Variants in PTGER4 observed in about 807,000 individuals in gnomAD.
The protein encoded by PTGER4 is prostaglandin E2 receptor EP4 subtype.
In PTGER4, 11 loss-of-function variants were observed where a neutral mutation model predicts 33.2. The observed-to-expected ratio is 0.33, with a 90% CI of 0.21 to 0.55. The LOEUF is 0.55. Among genes scored for constraint, PTGER4 ranks in the 20% least tolerant of loss-of-function variants. The probability of loss-of-function intolerance (pLI) is 0.92; values close to 1 mark genes in which losing one functional copy is unlikely to be tolerated. For missense variants in PTGER4, 481 were observed against 650.2 expected (o/e 0.74, Z 2.83); for synonymous variants, 275 against 281.5 (o/e 0.98, Z 0.23).
chr5:40,682,728 T>G (rs1292551778), intron 2 of PTGER4, among the ~76,000 whole-genome samples: 1 of 152,170 alleles, frequency 6.6e-6, no homozygotes, highest in African/African-American at 2.4e-5. Flanking sequence ...GAGATGGCTG[T>G]CTTTGTTTCT....
Position 40,691,667 on chromosome 5 carries a change from T to C in PTGER4, c.868-112T>C, listed in dbSNP as rs1337337680. On this transcript the variant is annotated intron_variant, in intron 2 of 2. Transcript: ENST00000302472. This position sits in a 1 kb window ranked among gnomAD's most constrained non-coding sequence, Gnocchi z 4.2. ...ATGTAGCTTCCTCTTTTCCTGGAAC[T>C]TGTTACCAGAAATGAAGGCAGCTTC... 6 of 1,398,182 alleles carry C rather than the reference T, an allele frequency of 4.3e-6. No homozygotes were observed. The highest frequency in any genetic ancestry group is 1.9e-6 in the Non-Finnish European group (2 of 1,034,260). 86.6% of individuals were successfully genotyped at this position (1,398,182 alleles called of 1,614,324 possible).
the PTGER4 span, among the ~76,000 whole-genome samples, chr5:40,718,577 T>C: frequency 6.6e-6 from 1 of 151,840 alleles, no homozygotes; most frequent in African/African-American, 2.4e-5. Flanking sequence ...CTGTCTCTAC[T>C]AAAAATACAA....
chr5:40,745,823 C>T, the PTGER4 span, among the ~76,000 whole-genome samples: 1 of 151,978 alleles, frequency 6.6e-6, no homozygotes, highest in African/African-American at 2.4e-5. Flanking sequence ...CATCCTCGAA[C>T]TCCTGGGCTC....
chr5:40,716,221 C>T, the PTGER4 span: 4 of 1,614,164 alleles, frequency 2.5e-6, no homozygotes, highest in Non-Finnish European at 3.4e-6. Context: ...CTCTATGGCC[C>T]CAGAAGCAGA....
chr5:40,732,206 A>G, the PTGER4 span, among the ~76,000 whole-genome samples: 1 of 152,046 alleles, frequency 6.6e-6, no homozygotes, highest in Non-Finnish European at 1.5e-5. Flanking sequence ...TTGTAGAGAC[A>G]GGGTCTCACT....
At chr5:40,685,666 G>T (rs1192195108) in intron 2 of PTGER4, among the ~76,000 whole-genome samples, 1 of 152,156 alleles carries the variant, frequency 6.6e-6, no homozygotes, top group East Asian at 1.9e-4. Context: ...CATTTCATTT[G>T]AATCTTGAAA....
chr5:40,738,268 C>A, the PTGER4 span, among the ~76,000 whole-genome samples: 1 of 151,524 alleles, frequency 6.6e-6, no homozygotes, highest in Admixed American at 6.6e-5. Flanking sequence ...AAAAATTAGC[C>A]AGGCATAGAG....
At chr5:40,704,857 C>T in the PTGER4 span, among the ~76,000 whole-genome samples, 1 of 152,168 alleles carries the variant, frequency 6.6e-6, no homozygotes, top group East Asian at 1.9e-4. Flanking sequence ...ATCTCATGCT[C>T]ATGGATAGGA....
At chr5:40,718,541 ACCAG>A in the PTGER4 span, among the ~76,000 whole-genome samples, 1 of 152,180 alleles carries the variant, frequency 6.6e-6, no homozygotes, top group Non-Finnish European at 1.5e-5. Context: ...GGAGTTCAAG[ACCAG>A]CCTGGCCAAA....
Position 40,691,788 on chromosome 5 carries a change from T to A in PTGER4, c.877T>A (p.Phe293Ile). 1.2e-6 allele frequency: 2 copies of A among 1,612,990 alleles called. No individual in the cohort carries two copies. Among genetic ancestry groups the A allele is most frequent in the African/African-American group, 1.3e-5 (1 of 74,990 alleles). Residue 293 changes from phenylalanine to isoleucine, a missense_variant, in exon 3 of 3, where the codon TTC becomes ATC. Phe to Ile is a conservative substitution (Grantham distance 21, BLOSUM62 0). This residue lies in a region of PTGER4 where 174 missense variants were observed against 210.5 expected (regional missense o/e 0.83). Coordinates refer to ENST00000302472, the MANE Select transcript of PTGER4 (RefSeq NM_000958.3). The surrounding 1 kb of genome is among the most constrained non-coding windows in gnomAD (Gnocchi z 4.2). ...ICSIPLVVRV[F>I]VNQLYQPSLE... ...GATCTCACTTATGCAGGTGCGAGTA[T>A]TCGTCAACCAGTTATATCAGCCAAG...
chr5:40,680,851 CCTTGT>C lies in PTGER4; in HGVS notation c.-43-96_-43-92del, dbSNP rs1347813057. ...CCAGAAAGTAGGATCGAGTTGCTCC[CCTTGT>C]CTTATCAGTGTATCGTTTCTCGGGC... On this transcript the variant is annotated intron_variant, in intron 1 of 2. Coordinates refer to ENST00000302472, the MANE Select transcript of PTGER4 (RefSeq NM_000958.3). The surrounding 1 kb of genome is among the most constrained non-coding windows in gnomAD (Gnocchi z 5.5). 1.1e-5 allele frequency: 12 copies of C among 1,080,438 alleles called. No individual in the cohort carries two copies. The highest frequency in any genetic ancestry group is 2.3e-5 in the Admixed American group (1 of 43,094). 66.9% of individuals were successfully genotyped at this position (1,080,438 alleles called of 1,614,324 possible).
Position 40,681,023 on chromosome 5 carries a change from C to T in PTGER4, c.30C>T (p.Ala10=), listed in dbSNP as rs1468107199. 6.2e-7 allele frequency: 1 copy of T among 1,613,728 alleles called. No homozygotes were observed. Among genetic ancestry groups the T allele is most frequent in the East Asian group, 2.2e-5 (1 of 44,876 alleles). The change falls in exon 2 of 3, where the codon GCC becomes GCT. Residue 10 remains alanine (A), a synonymous_variant. Coordinates refer to ENST00000302472, the MANE Select transcript of PTGER4 (RefSeq NM_000958.3). The surrounding 1 kb of genome is among the most constrained non-coding windows in gnomAD (Gnocchi z 9.8). ...CCACTCCCGGGGTCAATTCGTCCGC[C>T]TCCTTGAGCCCCGACCGGCTGAACA... is the stretch of plus-strand genomic sequence containing the variant. MSTPGVNSS[A]SLSPDRLNSP... is the part of the protein sequence containing the mutation.
the PTGER4 span, among the ~76,000 whole-genome samples, chr5:40,716,838 C>CA: frequency 7.9e-5 from 12 of 152,226 alleles, no homozygotes; most frequent in African/African-American, 2.9e-4. Flanking sequence ...CCCACAATCA[C>CA]AAAGGTACCA....
At chr5:40,697,218 G>GA (rs954696905), downstream of PTGER4, among the ~76,000 whole-genome samples, 1 of 101,210 alleles carries the variant, frequency 9.9e-6, no homozygotes, top group African/African-American at 3.8e-5. Flanking sequence ...GAAAGAAAAA[G>GA]AAAGAAGAAA....
At chr5:40,721,199 A>C in the PTGER4 span, among the ~76,000 whole-genome samples, 2 of 152,200 alleles carry the variant, frequency 1.3e-5, no homozygotes, top group African/African-American at 4.8e-5. Flanking sequence ...GAATTTGGCA[A>C]AATCCAGCTG....
At chr5:40,698,027 C>A (rs1579655648), downstream of PTGER4, among the ~76,000 whole-genome samples, 1 of 139,852 alleles carries the variant, frequency 7.2e-6, no homozygotes, top group East Asian at 2.2e-4. Context: ...AAACCAAATA[C>A]CACATGGTCT....
At chr5:40,682,170 C>A (rs1352497185) in intron 2 of PTGER4, among the ~76,000 whole-genome samples, 1 of 151,632 alleles carries the variant, frequency 6.6e-6, no homozygotes, top group Non-Finnish European at 1.5e-5. Flanking sequence ...CAAGAAAACC[C>A]CCCGCCCCCT....
At position 40,692,630 on chromosome 5, in the gene PTGER4, C is replaced by G. The variant is rs977416215; in HGVS notation, c.*252C>G. 12 of 1,215,278 alleles carry G rather than the reference C, an allele frequency of 9.9e-6. No homozygotes were observed. In the African/African-American group the frequency reaches 1.7e-4, roughly 17 times the overall value. 75.3% of individuals were successfully genotyped at this position (1,215,278 alleles called of 1,614,324 possible). On this transcript the variant is annotated 3_prime_UTR_variant, in exon 3 of 3. Transcript: ENST00000302472. ...GTCACAACTTGATGGCTGCGAAGACCTACCCTCCGTTTTTCTACTAGATAG... is the reference window on the plus strand; with the variant it reads ...GTCACAACTTGATGGCTGCGAAGACGTACCCTCCGTTTTTCTACTAGATAG...
chr5:40,740,631 A>C, the PTGER4 span, among the ~76,000 whole-genome samples: 1 of 152,178 alleles, frequency 6.6e-6, no homozygotes, highest in African/African-American at 2.4e-5. Context: ...GACTCCAATG[A>C]GGGACAACTC....
Sources: gnomAD v4.1 joint callset for allele counts (sites outside exome capture counted in the v4.1 genomes callset) on GRCh38, gnomAD v4.1.1 for gene constraint, gnomAD v4.1.1 regional missense constraint, Gnocchi (gnomAD v3.1) non-coding constraint, MANE v1.5 for transcripts, NCBI Gene and HGNC (gene_info 2026-07-23, HGNC 2026-07-21) for gene names.